ICA1: variants seen among roughly 807,000 people sequenced by gnomAD.
The protein encoded by ICA1 is islet cell autoantigen 1.
ICA1 carries 40 observed loss-of-function variants against 71.0 expected under a neutral mutation model. The observed-to-expected ratio is 0.56, with a 90% CI of 0.44 to 0.73. The LOEUF (loss-of-function observed/expected upper bound fraction) is 0.73. ICA1 is among the 30% of genes least tolerant of loss of function. ICA1 has a pLI of 0.00. For missense variants in ICA1, 578 were observed against 576.5 expected (o/e 1.00, Z -0.03); for synonymous variants, 207 against 209.5 (o/e 0.99, Z 0.10).
At chr7:8,195,559 CAAA>C (rs1230290459) in intron 6 of ICA1, among the ~76,000 whole-genome samples, 1 of 151,752 alleles carries the variant, frequency 6.6e-6, no homozygotes, top group Non-Finnish European at 1.5e-5. Context: ...AAAACAAAAA[CAAA>C]AACAAAAACA....
At chr7:8,114,265 C>G in intron 13 of ICA1, 2 of 549,696 alleles carry the variant, frequency 3.6e-6, no homozygotes. Flanking sequence ...ATAACAAGCT[C>G]TTGTGTTAAC....
chr7:8,205,514 T>C (rs1475654637), intron 6 of ICA1, among the ~76,000 whole-genome samples: 2 of 152,226 alleles, frequency 1.3e-5, no homozygotes, highest in African/African-American at 4.8e-5. Flanking sequence ...GTTTAGAATC[T>C]GCATGTGTTT....
intron 6 of ICA1, among the ~76,000 whole-genome samples, chr7:8,199,677 G>A (rs1788885364): frequency 6.6e-6 from 1 of 152,186 alleles, no homozygotes. Flanking sequence ...TCATGCCACT[G>A]TGCTCCACAC....
At chr7:8,161,569 T>C (rs575865000) in intron 6 of ICA1, among the ~76,000 whole-genome samples, 150 of 152,326 alleles carry the variant, frequency 9.8e-4, no homozygotes, top group African/African-American at 3.5e-3. Flanking sequence ...TGCCAGCCTG[T>C]TTCCACTTTC....
chr7:8,145,722 A>G (rs1584504606), intron 8 of ICA1, among the ~76,000 whole-genome samples: 1 of 142,220 alleles, frequency 7.0e-6, no homozygotes, highest in African/African-American at 2.6e-5. Context: ...TTTTTCATAC[A>G]CTACTTGTAT....
intron 12 of ICA1, among the ~76,000 whole-genome samples, chr7:8,134,018 C>T (rs1325901834): frequency 1.3e-5 from 2 of 152,090 alleles, no homozygotes; most frequent in Non-Finnish European, 2.9e-5. Flanking sequence ...GGTGTTTTCT[C>T]ACTGTAGCAC....
intron 6 of ICA1, among the ~76,000 whole-genome samples, chr7:8,217,239 T>G (rs867601968): frequency 1.8e-4 from 27 of 152,288 alleles, no homozygotes; most frequent in African/African-American, 6.0e-4. Flanking sequence ...AGAAATAAAA[T>G]GGACCCTGCT....
chr7:8,154,154 A>G (rs7803886), intron 8 of ICA1, among the ~76,000 whole-genome samples: 22,098 of 152,190 alleles, frequency 0.15, 1,678 homozygotes, highest in African/African-American at 0.2. Context: ...TTGTTGTCAC[A>G]TAAAACATTA....
intron 6 of ICA1, among the ~76,000 whole-genome samples, chr7:8,196,196 G>A: frequency 6.6e-6 from 1 of 152,174 alleles, no homozygotes; most frequent in Admixed American, 6.5e-5. Flanking sequence ...AAGCTATCAA[G>A]CCATGAAAAG....
At chr7:8,153,116 C>T (rs1177135589) in intron 8 of ICA1, among the ~76,000 whole-genome samples, 1 of 152,218 alleles carries the variant, frequency 6.6e-6, no homozygotes, top group Non-Finnish European at 1.5e-5. Context: ...CTACCACCAC[C>T]ATGCAGAGCC....
chr7:8,200,250 T>A (rs1789105386), intron 6 of ICA1, among the ~76,000 whole-genome samples: 1 of 142,096 alleles, frequency 7.0e-6, no homozygotes, highest in African/African-American at 2.6e-5. Flanking sequence ...GAACATTTAT[T>A]CAGTTAAAGC....
intron 1 of ICA1, among the ~76,000 whole-genome samples, chr7:8,243,209 T>C (rs1223948724): frequency 6.6e-6 from 1 of 152,174 alleles, no homozygotes; most frequent in East Asian, 1.9e-4. Context: ...ATCAAAAAGC[T>C]TATCCACCAC....
chr7:8,250,813 GTTT>G (rs1387744175), intron 1 of ICA1, among the ~76,000 whole-genome samples: 1 of 152,134 alleles, frequency 6.6e-6, no homozygotes, highest in Non-Finnish European at 1.5e-5. Context: ...TAAAAGGTGA[GTTT>G]TTATTTTAAC....
intron 6 of ICA1, among the ~76,000 whole-genome samples, chr7:8,166,613 A>G (rs1387706104): frequency 6.6e-6 from 1 of 152,224 alleles, no homozygotes; most frequent in Non-Finnish European, 1.5e-5. Flanking sequence ...TGCCAAAAGC[A>G]ATTTAACAAA....
rs947269558 is a variant in ICA1 at position 8,173,380 on chromosome 7, C to T, written c.580-14728G>A. On this transcript the variant is annotated intron_variant, in intron 6 of 13. Coordinates refer to ENST00000402384, the MANE Select transcript of ICA1 (RefSeq NM_001136020.3). The surrounding 1 kb of genome is among the most constrained non-coding windows in gnomAD (Gnocchi z 4.0). Reference sequence around the variant, plus strand: ...GTTAATATTGGCAACGATTAAAACACATCAAATATATCCAAATCTATGAGT... The same window carrying T: ...GTTAATATTGGCAACGATTAAAACATATCAAATATATCCAAATCTATGAGT... Among the ~76,000 whole-genome samples the T allele has an allele frequency of 1.4e-4, 21 of 152,186 alleles. No individual in the cohort carries two copies. Among genetic ancestry groups the T allele is most frequent in the Non-Finnish European group, 2.8e-4 (19 of 68,044 alleles).
chr7:8,146,604 G>T (rs145360880), intron 8 of ICA1, among the ~76,000 whole-genome samples: 1 of 151,898 alleles, frequency 6.6e-6, no homozygotes, highest in East Asian at 2.0e-4. Context: ...GCACTGGAGG[G>T]GAAAATGATA....
intron 13 of ICA1, among the ~76,000 whole-genome samples, chr7:8,114,699 T>C (rs1784230651): frequency 6.6e-6 from 1 of 152,230 alleles, no homozygotes; most frequent in South Asian, 2.1e-4. Context: ...CCTAACTTCC[T>C]GAATACCACG....
intron 6 of ICA1, among the ~76,000 whole-genome samples, chr7:8,163,732 G>T (rs1328595644): frequency 1.3e-5 from 2 of 152,156 alleles, no homozygotes; most frequent in African/African-American, 4.8e-5. Context: ...AAGGGTTGTG[G>T]GGTGGAGGAC....
At chr7:8,169,686 A>C (rs1396916620) in intron 6 of ICA1, among the ~76,000 whole-genome samples, 1 of 152,098 alleles carries the variant, frequency 6.6e-6, no homozygotes, top group Non-Finnish European at 1.5e-5. Flanking sequence ...TATTTTAAAA[A>C]TGGGTTTATC....
Sources: allele counts gnomAD v4.1 joint callset (sites outside exome capture counted in the v4.1 genomes callset), GRCh38; gene constraint gnomAD v4.1.1; non-coding constraint Gnocchi (gnomAD v3.1); transcripts MANE v1.5; gene names NCBI Gene and HGNC (gene_info 2026-07-23, HGNC 2026-07-21).